Variants in SIPA1L2 observed in about 807,000 individuals in gnomAD.
The protein encoded by SIPA1L2 is signal induced proliferation associated 1 like 2.
In SIPA1L2, 56 loss-of-function variants were observed where a neutral mutation model predicts 163.9. The ratio of observed to expected loss-of-function variants is 0.34; its 90% confidence interval spans 0.28 to 0.43. The LOEUF (loss-of-function observed/expected upper bound fraction) is 0.43. Among genes scored for constraint, SIPA1L2 ranks in the 20% least tolerant of loss-of-function variants. The pLI is 1.00. For synonymous variants in SIPA1L2, 877 were observed against 865.7 expected (o/e 1.01, Z -0.23); for missense variants, 1,974 against 2,193.5 (o/e 0.90, Z 2.00).
At chr1:232,595,165 T>G (rs914322758) in intron 1 of SIPA1L2, among the ~76,000 whole-genome samples, 3 of 152,178 alleles carry the variant, frequency 2.0e-5, no homozygotes, top group Non-Finnish European at 4.4e-5. Context: ...TGTTGCTAGG[T>G]TGAAATCATT....
chr1:232,411,264 T>C (rs932094880), intron 19 of SIPA1L2, among the ~76,000 whole-genome samples: 5 of 152,186 alleles, frequency 3.3e-5, no homozygotes, highest in African/African-American at 1.2e-4. Flanking sequence ...GTTTGCATTA[T>C]GGTGGGGAGT....
rs536840154 is a variant in SIPA1L2 at position 232,480,154 on chromosome 1, CGTGTGT to C, written c.1982-430_1982-425del. Among the ~76,000 whole-genome samples, 225 of 132,822 alleles carry C rather than the reference CGTGTGT, an allele frequency of 1.7e-3. 1 individual carries two copies. Among genetic ancestry groups the C allele is most frequent in the African/African-American group, 3.7e-3 (125 of 33,438 alleles). 87.1% of individuals were successfully genotyped at this position (132,822 alleles called of 152,430 possible). A position where few individuals can be genotyped will look rare whatever the true frequency, so the allele number is the denominator to read the frequency against. On this transcript the variant is annotated intron_variant, in intron 6 of 22. Transcript: ENST00000674635. Reference sequence around the variant, plus strand: ...CTGGCCGCATCTGTGTGTGTGTGTGCGTGTGTGTGTGTGTGTGTGTGTGTGTGTGTG... The same window carrying C: ...CTGGCCGCATCTGTGTGTGTGTGTGCGTGTGTGTGTGTGTGTGTGTGTGTG...
At chr1:232,517,141 A>G (rs1454460134) in intron 2 of SIPA1L2, among the ~76,000 whole-genome samples, 1 of 152,216 alleles carries the variant, frequency 6.6e-6, no homozygotes, top group Non-Finnish European at 1.5e-5. Context: ...CCAGTCCCCA[A>G]CTAGAAATGA....
At chr1:232,621,381 CCTTT>C (rs750823346) in intron 1 of SIPA1L2, among the ~76,000 whole-genome samples, 92 of 152,278 alleles carry the variant, frequency 6.0e-4, no homozygotes, top group African/African-American at 2.0e-3. Context: ...CTCCCTTCTT[CCTTT>C]CTGTCTTTTC....
intron 4 of SIPA1L2, among the ~76,000 whole-genome samples, chr1:232,491,627 C>T (rs1040548292): frequency 6.6e-6 from 1 of 152,112 alleles, no homozygotes; most frequent in Non-Finnish European, 1.5e-5. Context: ...TTTTAGATGT[C>T]CTCAAATTCA....
In SIPA1L2 at chr1:232,464,926, C is replaced by T. The variant is rs1225714290; in HGVS notation, c.2734G>A (p.Val912Met). The T allele has an allele frequency of 6.2e-7, 1 of 1,614,232 alleles. No homozygotes were observed. The highest frequency in any genetic ancestry group is 8.5e-7 in the Non-Finnish European group (1 of 1,180,046). ...ACACATTCTCCTCTTTCGTAAAACA[C>T]TTTGATACTCACTAATCCAGATGTC... Reference protein sequence around the residue: ...GWTSGLVSIKVFYERGECVLL... With the variant: ...GWTSGLVSIKMFYERGECVLL... The change falls in exon 9 of 23, where the codon GTG (valine) becomes ATG (methionine). Residue 912 changes from valine to methionine, a missense_variant. This residue lies in a region of SIPA1L2 where 1,079 missense variants were observed against 1,150.7 expected (regional missense o/e 0.94). Coordinates refer to ENST00000674635, the MANE Select transcript of SIPA1L2 (RefSeq NM_020808.5).
intron 13 of SIPA1L2, 104 bp downstream of exon 13, chr1:232,441,664 T>C (rs372352024): frequency 3.0e-6 from 3 of 986,726 alleles, no homozygotes; most frequent in East Asian, 2.5e-5. Context: ...TTGGTGCACA[T>C]AGGTTGAATG....
intron 2 of SIPA1L2, among the ~76,000 whole-genome samples, chr1:232,516,671 A>G (rs907480170): frequency 2.6e-5 from 4 of 152,046 alleles, no homozygotes; most frequent in African/African-American, 9.7e-5. Flanking sequence ...AACTGCCACC[A>G]TAAGAAAAAT....
chr1:232,615,515 G>A (rs1662456670), intron 1 of SIPA1L2, among the ~76,000 whole-genome samples: 1 of 152,138 alleles, frequency 6.6e-6, no homozygotes, highest in Non-Finnish European at 1.5e-5. Context: ...AGAGGGCCCT[G>A]CAGTCATTCG....
intron 3 of SIPA1L2, among the ~76,000 whole-genome samples, chr1:232,510,884 AATTTT>A (rs1666949412): frequency 6.6e-6 from 1 of 152,210 alleles, no homozygotes; most frequent in Non-Finnish European, 1.5e-5. Flanking sequence ...ACATATATAT[AATTTT>A]ATGTTCTAGT....
At chr1:232,435,914 A>C (rs1422257421) in intron 15 of SIPA1L2, among the ~76,000 whole-genome samples, 1 of 152,166 alleles carries the variant, frequency 6.6e-6, no homozygotes, top group Non-Finnish European at 1.5e-5. Context: ...TCTTGGAATC[A>C]TGCCATATAC....
chr1:232,590,550 A>AT (rs1660906270), intron 1 of SIPA1L2, among the ~76,000 whole-genome samples: 1 of 152,176 alleles, frequency 6.6e-6, no homozygotes, highest in African/African-American at 2.4e-5. Context: ...AGTGGACCTG[A>AT]TGTCACATGC....
At chr1:232,609,829 C>CAA (rs71173228) in intron 1 of SIPA1L2, among the ~76,000 whole-genome samples, 2 of 102,334 alleles carry the variant, frequency 2.0e-5, no homozygotes, top group Non-Finnish European at 2.0e-5. Flanking sequence ...GACTCCATCT[C>CAA]AAAAAAAAAA....
At position 232,464,985 on chromosome 1, in the gene SIPA1L2, A is replaced by G; in HGVS notation, c.2675T>C (p.Val892Ala). Residue 892 changes from valine to alanine, a missense_variant, in exon 9 of 23, where the codon GTA becomes GCA. Around this residue, in one of 3 missense-constraint regions of SIPA1L2, gnomAD observed 1,079 missense variants for 1,150.7 expected, o/e 0.94. Coordinates refer to ENST00000674635, the MANE Select transcript of SIPA1L2 (RefSeq NM_020808.5). ...CACATCCCTGCAGGAACAGTTGAAT[A>G]CAACATTCTTGGAATCCTTTTCAAT... ...MLIEKDSKNV[V>A]FNCSCRDVIG... 1.2e-6 allele frequency: 2 copies of G among 1,614,222 alleles called. No individual in the cohort carries two copies. Among genetic ancestry groups the G allele is most frequent in the Non-Finnish European group, 1.7e-6 (2 of 1,180,040 alleles).
chr1:232,478,513 T>C (rs1046717904), intron 7 of SIPA1L2, among the ~76,000 whole-genome samples: 3 of 152,226 alleles, frequency 2.0e-5, no homozygotes, highest in East Asian at 3.8e-4. Context: ...TATATACTTT[T>C]ATGAGTCTTT....
At chr1:232,424,300 A>AT (rs1355722036) in intron 18 of SIPA1L2, among the ~76,000 whole-genome samples, 11 of 98,102 alleles carry the variant, frequency 1.1e-4, no homozygotes, top group African/African-American at 4.0e-4. Flanking sequence ...TAAGAAGTCT[A>AT]TTTTTTTTTA....
In SIPA1L2 at chr1:232,572,694, CATATAT is replaced by C. The variant is rs61685621; in HGVS notation, c.-270+1474_-270+1479del. Among the ~76,000 whole-genome samples the C allele has an allele frequency of 4.1e-3, 418 of 101,116 alleles. 6 individuals carry two copies. Among genetic ancestry groups the C allele is most frequent in the Middle Eastern group, 0.017 (3 of 176 alleles). 66.3% of individuals were successfully genotyped at this position (101,116 alleles called of 152,430 possible). A position where few individuals can be genotyped will look rare whatever the true frequency, so the allele number is the denominator to read the frequency against. ...ATATATATACACACACATATACATA[CATATAT>C]ATATATATATATATATACACACATA... On this transcript the variant is annotated intron_variant, in intron 2 of 22. Coordinates refer to ENST00000674635, the MANE Select transcript of SIPA1L2 (RefSeq NM_020808.5).
chr1:232,512,810 A>AAATAAAT (rs1558234518), intron 3 of SIPA1L2, among the ~76,000 whole-genome samples: 2 of 152,144 alleles, frequency 1.3e-5, no homozygotes, highest in African/African-American at 4.8e-5. Flanking sequence ...AGTAAAAAAA[A>AAATAAAT]AAATAAATAA....
chr1:232,460,995 T>G lies in SIPA1L2; in HGVS notation c.2987A>C (p.Lys996Thr). The G allele has an allele frequency of 6.2e-7, 1 of 1,614,088 alleles. No individual in the cohort carries two copies. The change falls in exon 10 of 23, where the codon AAA becomes ACA. Residue 996 changes from lysine to threonine, a missense_variant. By Grantham distance (78) the Lys-to-Thr change is moderately conservative (BLOSUM62 -1). Transcript: ENST00000674635. ...GTGGGTCAGAGTGGCCACGGCTACTTTGCAGATCTCCACGAGGCGGCTCCC... is the reference window on the plus strand; with the variant it reads ...GTGGGTCAGAGTGGCCACGGCTACTGTGCAGATCTCCACGAGGCGGCTCCC... The part of the protein sequence containing the change: ...RQGSRLVEIC[K>T]VAVATLTHEQ...
Sources: gnomAD v4.1 joint callset for allele counts (sites outside exome capture counted in the v4.1 genomes callset) on GRCh38, gnomAD v4.1.1 for gene constraint, gnomAD v4.1.1 regional missense constraint, MANE v1.5 for transcripts, NCBI Gene and HGNC (gene_info 2026-07-23, HGNC 2026-07-21) for gene names.